Variants in PLOD1 observed in about 807,000 individuals in gnomAD.
PLOD1 encodes the protein lysine hydroxylase.
Under a neutral mutation model 94.7 loss-of-function variants are expected in PLOD1, and 70 were observed. That is an observed-to-expected ratio of 0.74 (90% CI 0.61 to 0.90). PLOD1 has a LOEUF of 0.90. Among genes scored for constraint, PLOD1 ranks in the 40% least tolerant of loss-of-function variants. The pLI is 0.00. For missense variants in PLOD1, 905 were observed against 972.7 expected (o/e 0.93, Z 0.93); for synonymous variants, 417 against 400.2 (o/e 1.04, Z -0.50).
chr1:11,937,620 C>T (rs564066509), intron 1 of PLOD1, among the ~76,000 whole-genome samples: 5 of 152,240 alleles, frequency 3.3e-5, no homozygotes, highest in African/African-American at 1.2e-4. Flanking sequence ...TGATGAAGCC[C>T]GGTGAGTTGA....
At chr1:11,960,949 A>C (rs1190347766) in intron 10 of PLOD1, among the ~76,000 whole-genome samples, 182 bp downstream of exon 10, 1 of 152,110 alleles carries the variant, frequency 6.6e-6, no homozygotes, top group Non-Finnish European at 1.5e-5. Flanking sequence ...CTGTCCTGCC[A>C]ACCCCCGGGG....
chr1:11,942,763 A>G (rs1207101222), intron 1 of PLOD1, among the ~76,000 whole-genome samples: 1 of 152,194 alleles, frequency 6.6e-6, no homozygotes, highest in Non-Finnish European at 1.5e-5. Context: ...CTGACATCAG[A>G]AATCACCTGG....
intron 16 of PLOD1, among the ~76,000 whole-genome samples, chr1:11,970,319 G>GCTACAC (rs1487036753): frequency 6.6e-6 from 1 of 152,172 alleles, no homozygotes; most frequent in Non-Finnish European, 1.5e-5. Context: ...TGTAGTCCCA[G>GCTACAC]CTACACGGGA....
chr1:11,974,733 A>G lies in PLOD1; in HGVS notation c.2109A>G (p.Arg703=). The G allele has an allele frequency of 1.9e-6, 3 of 1,613,764 alleles. No homozygotes were observed. Among genetic ancestry groups the G allele is most frequent in the Non-Finnish European group, 2.5e-6 (3 of 1,179,754 alleles). The change falls in exon 19 of 19, where the codon CGA becomes CGG. Residue 703 remains arginine (R), a synonymous_variant. Coordinates refer to ENST00000196061, the MANE Select transcript of PLOD1 (RefSeq NM_000302.4). The stretch of plus-strand genomic sequence containing the variant: ...GCTGGACCCTCATGCACCCTGGACG[A>G]CTCACGCATTACCATGAGGGGCTCC... ...RKGWTLMHPG[R]LTHYHEGLPT...
In PLOD1 at chr1:11,957,027, C is replaced by G; in HGVS notation, c.741+13C>G. ...CGGGCCAACCAAGGTAGGGGGTCCCCAGCCCCTGGGGAGTGTGGGAGGGGG... is the reference window on the plus strand; with the variant it reads ...CGGGCCAACCAAGGTAGGGGGTCCCGAGCCCCTGGGGAGTGTGGGAGGGGG... On this transcript the variant is annotated intron_variant, in intron 7 of 18. Coordinates refer to ENST00000196061, the MANE Select transcript of PLOD1 (RefSeq NM_000302.4). The surrounding 1 kb of genome is among the most constrained non-coding windows in gnomAD (Gnocchi z 4.1). 6.4e-7 allele frequency: 1 copy of G among 1,560,760 alleles called. No homozygotes were observed. The highest frequency in any genetic ancestry group is 1.7e-4 in the Middle Eastern group (1 of 5,960).
At chr1:11,944,193 A>G (rs1477236945) in intron 1 of PLOD1, among the ~76,000 whole-genome samples, 1 of 151,990 alleles carries the variant, frequency 6.6e-6, no homozygotes, top group Non-Finnish European at 1.5e-5. Flanking sequence ...AGATCTAGCC[A>G]CTGCACTCCA....
Position 11,958,395 on chromosome 1 carries a change from C to G in PLOD1, c.844-121C>G. The G allele has an allele frequency of 8.3e-7, 1 of 1,202,894 alleles. No homozygotes were observed. 74.5% of individuals were successfully genotyped at this position (1,202,894 alleles called of 1,614,324 possible). On this transcript the variant is annotated intron_variant, in intron 8 of 18. Coordinates refer to ENST00000196061, the MANE Select transcript of PLOD1 (RefSeq NM_000302.4). This position sits in a 1 kb window ranked among gnomAD's most constrained non-coding sequence, Gnocchi z 4.3. ...GACTGGAGTTCCCCGGCCCGGGCAC[C>G]TTTCTTGGGAAGTCTACATGCTTCT...
chr1:11,942,934 G>GC, intron 1 of PLOD1, among the ~76,000 whole-genome samples: 1 of 152,248 alleles, frequency 6.6e-6, no homozygotes, highest in African/African-American at 2.4e-5. Flanking sequence ...AGAGAGGCAG[G>GC]CTCTGCGTGG....
chr1:11,965,458 C>T, intron 13 of PLOD1, 22 bp from the exon 14 acceptor site: 2 of 1,467,082 alleles, frequency 1.4e-6, no homozygotes, highest in Non-Finnish European at 1.9e-6. Context: ...AGCGCCTCTT[C>T]CACCGGGCCT....
intron 5 of PLOD1, among the ~76,000 whole-genome samples, chr1:11,953,049 A>G (rs1340279780): frequency 1.3e-5 from 2 of 151,880 alleles, no homozygotes; most frequent in East Asian, 1.9e-4. Flanking sequence ...ATTGATAAGG[A>G]CACTAATCCT....
chr1:11,962,371 C>A (rs965353633), intron 10 of PLOD1, among the ~76,000 whole-genome samples: 2 of 149,242 alleles, frequency 1.3e-5, no homozygotes, highest in Non-Finnish European at 3.0e-5. Flanking sequence ...CTGCCTCCCA[C>A]GTTCACGCCA....
At chr1:11,939,416 C>G (rs1645600987) in intron 1 of PLOD1, among the ~76,000 whole-genome samples, 1 of 152,158 alleles carries the variant, frequency 6.6e-6, no homozygotes, top group Admixed American at 6.6e-5. Flanking sequence ...AGGGAGCAGA[C>G]TGGGTGTGTC....
Position 11,974,861 on chromosome 1 carries a change from C to T in PLOD1, c.*53C>T. The T allele has an allele frequency of 6.3e-7, 1 of 1,593,876 alleles. No homozygotes were observed. Among genetic ancestry groups the T allele is most frequent in the Non-Finnish European group, 8.6e-7 (1 of 1,161,714 alleles). Reference sequence around the variant, plus strand: ...TTCTTCTTTGCCGACAACCACTGCCCAGCAGCCTCTGGGACCTCGGGGTCC... The same window carrying T: ...TTCTTCTTTGCCGACAACCACTGCCTAGCAGCCTCTGGGACCTCGGGGTCC... On this transcript the variant is annotated 3_prime_UTR_variant, in exon 19 of 19. Transcript: ENST00000196061.
At chr1:11,964,366 G>A (rs567994647) in intron 12 of PLOD1, 66 bp downstream of exon 12, 14 of 1,500,616 alleles carry the variant, frequency 9.3e-6, no homozygotes, top group Middle Eastern at 2.3e-4. Context: ...GGGCTTGTGG[G>A]GCTCCCTCCC....
Position 11,934,828 on chromosome 1 carries a change from G to A in PLOD1, c.49G>A (p.Glu17Lys). Residue 17 changes from glutamate to lysine, a missense_variant, in exon 1 of 19, where the codon GAA (glutamate) becomes AAA (lysine). Coordinates refer to ENST00000196061, the MANE Select transcript of PLOD1 (RefSeq NM_000302.4). ...LALLGWLLLA[E>K]AKGDAKPEDN... ...CCTGCTGGGCTGGCTGCTGCTGGCC[G>A]AAGCGAAGGGCGACGCCAAGCCGGA... 1 of 1,540,374 alleles carries A rather than the reference G, an allele frequency of 6.5e-7. No homozygotes were observed. The highest frequency in any genetic ancestry group is 1.2e-5 in the South Asian group (1 of 83,610).
chr1:11,960,342 C>T (rs1252306287), intron 9 of PLOD1, among the ~76,000 whole-genome samples: 2 of 152,220 alleles, frequency 1.3e-5, no homozygotes, highest in East Asian at 1.9e-4. Context: ...CTCTGGGCCA[C>T]ACCCAGGAAT....
chr1:11,974,668 T>A lies in PLOD1; in HGVS notation c.2044T>A (p.Phe682Ile), dbSNP rs779884038. Residue 682 changes from phenylalanine to isoleucine, a missense_variant, in exon 19 of 19, where the codon TTC becomes ATC. Coordinates refer to ENST00000196061, the MANE Select transcript of PLOD1 (RefSeq NM_000302.4). ...TGTCTCCCAGGGCGGGGGCTGTCGG[T>A]TCCTGCGCTACAACTGTTCCATCCG... ...GVDYEGGGCR[F>I]LRYNCSIRAP... is the part of the protein sequence containing the mutation. 3.7e-6 allele frequency: 6 copies of A among 1,613,582 alleles called. No individual in the cohort carries two copies. Among genetic ancestry groups the A allele is most frequent in the Non-Finnish European group, 5.1e-6 (6 of 1,179,840 alleles).
chr1:11,962,274 C>CTTTTTTTTTTTTTTTT (rs780613164), intron 10 of PLOD1, among the ~76,000 whole-genome samples: 3 of 99,090 alleles, frequency 3.0e-5, no homozygotes, highest in African/African-American at 4.2e-5. Flanking sequence ...TTTTTGTTTT[C>CTTTTTTTTTTTTTTTT]TTTTTTTTTT....
chr1:11,958,069 C>G lies in PLOD1; in HGVS notation c.843+126C>G, dbSNP rs964464537. 1.4e-6 allele frequency: 1 copy of G among 727,584 alleles called. No individual in the cohort carries two copies. The highest frequency in any genetic ancestry group is 2.1e-5 in the Admixed American group (1 of 47,112). 45.1% of individuals were successfully genotyped at this position (727,584 alleles called of 1,614,324 possible). On this transcript the variant is annotated intron_variant, in intron 8 of 18. Coordinates refer to ENST00000196061, the MANE Select transcript of PLOD1 (RefSeq NM_000302.4). The surrounding 1 kb of genome is among the most constrained non-coding windows in gnomAD (Gnocchi z 4.3). ...GAAAGTGAAGGGGTCACCTCCCTGC[C>G]TGGGGTTCTATCCCGGTTGCCACCC...
Sources: gnomAD v4.1 joint callset for allele counts (sites outside exome capture counted in the v4.1 genomes callset) on GRCh38, gnomAD v4.1.1 for gene constraint, Gnocchi (gnomAD v3.1) non-coding constraint, MANE v1.5 for transcripts, NCBI Gene and HGNC (gene_info 2026-07-23, HGNC 2026-07-21) for gene names.